PLCB1: variants seen among roughly 807,000 people sequenced by gnomAD.
PLCB1 encodes phospholipase C beta 1.
Under a neutral mutation model 161.8 loss-of-function variants are expected in PLCB1, and 46 were observed. That is an observed-to-expected ratio of 0.28 (90% CI 0.22 to 0.36). The LOEUF is 0.36. PLCB1 is among the 10% of genes least tolerant of loss of function. The probability of loss-of-function intolerance (pLI) is 1.00; values close to 1 mark genes in which losing one functional copy is unlikely to be tolerated. For synonymous variants in PLCB1, 517 were observed against 503.7 expected, an observed-to-expected ratio of 1.03 and a Z score of -0.35; for missense variants, 1,016 against 1,472.5, an observed-to-expected ratio of 0.69 and a Z score of 5.07.
intron 2 of PLCB1, among the ~76,000 whole-genome samples, chr20:8,238,540 C>T (rs1980438991): frequency 6.6e-6 from 1 of 151,700 alleles, no homozygotes; most frequent in Non-Finnish European, 1.5e-5. Flanking sequence ...TAGATGAGGT[C>T]TCTCAGAAGA....
chr20:8,201,204 C>T (rs2052087907), intron 2 of PLCB1, among the ~76,000 whole-genome samples: 1 of 152,044 alleles, frequency 6.6e-6, no homozygotes, highest in Admixed American at 6.6e-5. Context: ...CAGTTCTTCT[C>T]AGCCATTTAC....
At chr20:8,709,025 C>A (rs1978848854) in intron 12 of PLCB1, among the ~76,000 whole-genome samples, 1 of 152,156 alleles carries the variant, frequency 6.6e-6, no homozygotes, top group African/African-American at 2.4e-5. Flanking sequence ...ACACATTTTT[C>A]TACACAATAC....
chr20:8,442,200 C>T (rs1980590649), intron 3 of PLCB1, among the ~76,000 whole-genome samples: 1 of 152,100 alleles, frequency 6.6e-6, no homozygotes, highest in Admixed American at 6.6e-5. Flanking sequence ...TTATCTTAGT[C>T]CATTTGTACT....
At chr20:8,160,730 C>T (rs139356981) in intron 2 of PLCB1, among the ~76,000 whole-genome samples, 6 of 152,286 alleles carry the variant, frequency 3.9e-5, no homozygotes, top group South Asian at 2.1e-4. Flanking sequence ...AAACCTATCA[C>T]TTGTCAAGCT....
At chr20:8,736,059 G>C (rs779133422) in intron 19 of PLCB1, among the ~76,000 whole-genome samples, 1 of 152,146 alleles carries the variant, frequency 6.6e-6, no homozygotes, top group Non-Finnish European at 1.5e-5. Context: ...CCATAATGCT[G>C]TCCCCTTTTC....
At chr20:8,454,574 C>T (rs1020191839) in intron 3 of PLCB1, among the ~76,000 whole-genome samples, 23 of 152,062 alleles carry the variant, frequency 1.5e-4, no homozygotes, top group Admixed American at 6.5e-4. Context: ...TGGAAAGAAA[C>T]GAGTCAGGAT....
At chr20:8,649,653 T>C (rs1989257053) in intron 7 of PLCB1, 1 of 544,792 alleles carries the variant, frequency 1.8e-6, no homozygotes, top group South Asian at 2.5e-5. Flanking sequence ...AGACCTGAGC[T>C]AGCATGTTCT....
At chr20:8,529,958 G>A (rs529258015) in intron 3 of PLCB1, among the ~76,000 whole-genome samples, 1 of 152,194 alleles carries the variant, frequency 6.6e-6, no homozygotes, top group South Asian at 2.1e-4. Context: ...TTTCCAGATA[G>A]TTCTCATTTA....
chr20:8,498,901 G>T (rs559246672), intron 3 of PLCB1, among the ~76,000 whole-genome samples: 20 of 152,276 alleles, frequency 1.3e-4, no homozygotes, highest in South Asian at 1.2e-3. Flanking sequence ...GTCACATGGT[G>T]GTGGTAGGGA....
chr20:8,617,837 G>GC (rs1568531079), intron 3 of PLCB1, among the ~76,000 whole-genome samples: 8 of 151,940 alleles, frequency 5.3e-5, no homozygotes, highest in Admixed American at 2.0e-4. Context: ...AGAAAAAAAG[G>GC]TTATATATAT....
At chr20:8,446,266 A>G (rs1980820789) in intron 3 of PLCB1, among the ~76,000 whole-genome samples, 1 of 152,238 alleles carries the variant, frequency 6.6e-6, no homozygotes, top group South Asian at 2.1e-4. Context: ...ATGCAAATCA[A>G]TAAACGTAAT....
intron 6 of PLCB1, among the ~76,000 whole-genome samples, chr20:8,648,536 T>C (rs1214249707): frequency 6.6e-6 from 1 of 152,204 alleles, no homozygotes; most frequent in Non-Finnish European, 1.5e-5. Flanking sequence ...GTCCAGTACT[T>C]AAGTTCTATT....
At chr20:8,458,233 G>A (rs554318003) in intron 3 of PLCB1, among the ~76,000 whole-genome samples, 1 of 152,318 alleles carries the variant, frequency 6.6e-6, no homozygotes, top group East Asian at 1.9e-4. Flanking sequence ...TTGCTGTAGA[G>A]GTTGTGGTTT....
At chr20:8,526,475 A>T (rs1600128465) in intron 3 of PLCB1, among the ~76,000 whole-genome samples, 1 of 152,116 alleles carries the variant, frequency 6.6e-6, no homozygotes, top group East Asian at 1.9e-4. Context: ...CTCATTTGGA[A>T]CTAGAAAATC....
At chr20:8,824,768 T>C (rs1246087212) in intron 31 of PLCB1, among the ~76,000 whole-genome samples, 1 of 151,906 alleles carries the variant, frequency 6.6e-6, no homozygotes, top group African/African-American at 2.4e-5. Context: ...AATGCATGCA[T>C]CACTGAAAGA....
At chr20:8,522,196 T>G (rs945232386) in intron 3 of PLCB1, among the ~76,000 whole-genome samples, 4 of 152,160 alleles carry the variant, frequency 2.6e-5, no homozygotes, top group Non-Finnish European at 4.4e-5. Context: ...AGAGATGCAA[T>G]GTAGGATCTG....
intron 31 of PLCB1, among the ~76,000 whole-genome samples, chr20:8,827,323 C>T (rs117959698): frequency 0.011 from 1,714 of 152,194 alleles, 8 homozygotes; most frequent in Non-Finnish European, 0.019. Flanking sequence ...TCCCTGTGTT[C>T]GCGATGTAAT....
At chr20:8,749,442 G>T (rs1357020995) in intron 23 of PLCB1, among the ~76,000 whole-genome samples, 1 of 152,184 alleles carries the variant, frequency 6.6e-6, no homozygotes, top group African/African-American at 2.4e-5. Context: ...TCCCGCAAGT[G>T]ATTGACCATA....
intron 3 of PLCB1, among the ~76,000 whole-genome samples, chr20:8,466,817 GT>G: frequency 6.6e-6 from 1 of 152,246 alleles, no homozygotes. Context: ...CAACTTGAAT[GT>G]TTTTACTACA....
Sources: gnomAD v4.1 joint callset for allele counts (sites outside exome capture counted in the v4.1 genomes callset) on GRCh38, gnomAD v4.1.1 for gene constraint, MANE v1.5 for transcripts, NCBI Gene and HGNC (gene_info 2026-07-23, HGNC 2026-07-21) for gene names.